TRAK1: variants seen among roughly 807,000 people sequenced by gnomAD.
TRAK1 encodes the protein trafficking kinesin-binding protein 1.
A neutral mutation model predicts 92.1 loss-of-function variants in TRAK1; 33 were observed. The observed-to-expected ratio is 0.36, with a 90% CI of 0.27 to 0.48. TRAK1 has a LOEUF of 0.48. Ranked by LOEUF, TRAK1 falls within the 20% of genes least tolerant of loss-of-function variation. TRAK1 has a pLI of 0.99. For missense variants in TRAK1, 1,123 were observed against 1,257.9 expected, an observed-to-expected ratio of 0.89 and a Z score of 1.62; for synonymous variants, 521 against 517.3, an observed-to-expected ratio of 1.01 and a Z score of -0.10.
chr3:42,186,093 C>G (rs1247520219), intron 4 of TRAK1, among the ~76,000 whole-genome samples: 1 of 151,032 alleles, frequency 6.6e-6, no homozygotes, highest in Non-Finnish European at 1.5e-5. Flanking sequence ...AGCGATCCTC[C>G]CACCTCAGCC....
chr3:42,200,633 A>G (rs1011851147), intron 11 of TRAK1, among the ~76,000 whole-genome samples, 185 bp from the exon 12 acceptor site: 1 of 152,142 alleles, frequency 6.6e-6, no homozygotes, highest in African/African-American at 2.4e-5. Flanking sequence ...GAATCTCTCA[A>G]ATTTCGCATT....
At chr3:42,087,784 G>A (rs1022166816), upstream of TRAK1, among the ~76,000 whole-genome samples, 3 of 152,144 alleles carry the variant, frequency 2.0e-5, no homozygotes, top group Non-Finnish European at 4.4e-5. Flanking sequence ...AGGTGTAGTG[G>A]GAATAACATG....
chr3:42,173,628 T>C (rs991971597), intron 2 of TRAK1, among the ~76,000 whole-genome samples: 1 of 152,208 alleles, frequency 6.6e-6, no homozygotes, highest in Non-Finnish European at 1.5e-5. Context: ...TGTGCCTTGC[T>C]CTCGTGTCCT....
chr3:42,129,621 AC>A (rs1696931838), intron 2 of TRAK1, among the ~76,000 whole-genome samples: 2 of 152,192 alleles, frequency 1.3e-5, no homozygotes, highest in East Asian at 3.8e-4. Context: ...AATTAAAATG[AC>A]CCACAAAACA....
chr3:42,089,675 A>ACCT (rs553842446), upstream of TRAK1, among the ~76,000 whole-genome samples: 2 of 132,844 alleles, frequency 1.5e-5, no homozygotes, highest in Non-Finnish European at 3.2e-5. Context: ...GCTTTTTGTG[A>ACCT]CCCCCCCCCA....
At chr3:42,055,593 G>C (rs1202722602) in intron 1 of TRAK1, among the ~76,000 whole-genome samples, 1 of 152,194 alleles carries the variant, frequency 6.6e-6, no homozygotes, top group Non-Finnish European at 1.5e-5. Context: ...TTCCTGAGTA[G>C]CTGAGATCAC....
chr3:42,125,861 A>T (rs1015067516), intron 2 of TRAK1, among the ~76,000 whole-genome samples: 3 of 152,008 alleles, frequency 2.0e-5, no homozygotes, highest in Non-Finnish European at 4.4e-5. Context: ...TTATGTATTT[A>T]TTTTTTTGAG....
intron 1 of TRAK1, among the ~76,000 whole-genome samples, chr3:42,053,005 G>T (rs1374379035): frequency 1.3e-5 from 2 of 152,196 alleles, no homozygotes; most frequent in East Asian, 3.9e-4. Context: ...TGACTGACTG[G>T]GCTACTCCAT....
intron 1 of TRAK1, among the ~76,000 whole-genome samples, chr3:42,074,012 T>C (rs1704045062): frequency 6.6e-6 from 1 of 152,160 alleles, no homozygotes; most frequent in Non-Finnish European, 1.5e-5. Flanking sequence ...ACAAGAGGGT[T>C]GTTTTAAGAG....
At chr3:42,066,780 C>T (rs1703699700) in intron 1 of TRAK1, among the ~76,000 whole-genome samples, 1 of 152,140 alleles carries the variant, frequency 6.6e-6, no homozygotes. Flanking sequence ...TGTTTATTCA[C>T]TTGGTGTGTA....
chr3:42,198,502 T>A (rs1707069769), intron 10 of TRAK1, among the ~76,000 whole-genome samples: 1 of 151,986 alleles, frequency 6.6e-6, no homozygotes, highest in Non-Finnish European at 1.5e-5. Context: ...TAGTTGGCGG[T>A]GAGAGGAACT....
chr3:42,211,498 T>C (rs977037305), intron 14 of TRAK1: 75 of 985,322 alleles, frequency 7.6e-5, no homozygotes, highest in Non-Finnish European at 8.8e-5. Context: ...TCAGCACCAG[T>C]GTCCGTCAGG....
chr3:42,119,645 TG>T (rs1430332881), intron 1 of TRAK1, among the ~76,000 whole-genome samples: 1 of 152,238 alleles, frequency 6.6e-6, no homozygotes, highest in Non-Finnish European at 1.5e-5. Flanking sequence ...TAGCTAAGCA[TG>T]GCTCCAGCAC....
chr3:42,068,158 T>TAA (rs879692318), intron 1 of TRAK1, among the ~76,000 whole-genome samples: 1 of 142,228 alleles, frequency 7.0e-6, no homozygotes. Flanking sequence ...AGACTCTGTC[T>TAA]AAAAAAAAAA....
intron 13 of TRAK1, chr3:42,203,036 GA>G: frequency 8.0e-7 from 1 of 1,243,266 alleles, no homozygotes; most frequent in Non-Finnish European, 1.0e-6. Flanking sequence ...TTTGCCTTTA[GA>G]ACCTTAGAAA....
rs1328212252 is a variant in TRAK1 at position 42,110,035 on chromosome 3, G to A, written c.92-15385G>A. On this transcript the variant is annotated intron_variant, in intron 1 of 15. Coordinates refer to ENST00000327628, the MANE Select transcript of TRAK1 (RefSeq NM_001042646.3). ...TTAATGGGTGCAGCACACCAACATG[G>A]CACATGTATACATATGTAGCAAACC... is the stretch of plus-strand genomic sequence containing the variant. Among the ~76,000 whole-genome samples the A allele has an allele frequency of 1.0e-4, 14 of 134,878 alleles. No individual in the cohort carries two copies. The East Asian group carries it at 2.6e-3, about 25-fold the overall frequency. 88.5% of individuals were successfully genotyped at this position (134,878 alleles called of 152,430 possible).
At chr3:42,169,071 G>A (rs1403059336) in intron 2 of TRAK1, among the ~76,000 whole-genome samples, 8 of 152,180 alleles carry the variant, frequency 5.3e-5, no homozygotes, top group African/African-American at 1.7e-4. Flanking sequence ...TGATCTACCC[G>A]CCTTGGCCTC....
chr3:42,023,459 G>A (rs1016641214), intron 1 of TRAK1, among the ~76,000 whole-genome samples: 1 of 152,146 alleles, frequency 6.6e-6, no homozygotes, highest in Non-Finnish European at 1.5e-5. Context: ...GTCCTAGGCC[G>A]TATGTGATCC....
intron 2 of TRAK1, chr3:42,145,504 A>G (rs574347098): frequency 1.3e-5 from 2 of 151,206 alleles, no homozygotes; most frequent in African/African-American, 2.4e-5. Context: ...AAAAAAACCT[A>G]TGTGCGTTTT....
Sources: gnomAD v4.1 joint callset for allele counts (sites outside exome capture counted in the v4.1 genomes callset) on GRCh38, gnomAD v4.1.1 for gene constraint, MANE v1.5 for transcripts, NCBI Gene and HGNC (gene_info 2026-07-23, HGNC 2026-07-21) for gene names.